The following OPA3 variants were observed in gnomAD, a reference collection of about 807,000 sequenced individuals.
The protein encoded by OPA3 is optic atrophy 3 protein.
OPA3 carries 6 observed loss-of-function variants against 4.0 expected under a neutral mutation model. The observed-to-expected ratio is 1.51, with a 90% confidence interval of 0.83 to 2.99. The LOEUF (loss-of-function observed/expected upper bound fraction) is 2.99, where lower values mean the gene tolerates loss of function less well. Among genes scored for constraint, OPA3 ranks in the 30% most tolerant of loss-of-function variants. OPA3 has a pLI of 0.00. For synonymous variants in OPA3, 105 were observed against 117.1 expected (o/e 0.90, Z 0.67); for missense variants, 235 against 256.2 (o/e 0.92, Z 0.56).
In OPA3 at chr19:45,552,903, T is replaced by A; in HGVS notation, c.*611A>T. 1 of 701,892 alleles carries A rather than the reference T, an allele frequency of 1.4e-6. No individual in the cohort carries two copies. Among genetic ancestry groups the A allele is most frequent in the Non-Finnish European group, 1.7e-6 (1 of 571,432 alleles). 43.5% of individuals were successfully genotyped at this position (701,892 alleles called of 1,614,324 possible). On this transcript the variant is annotated 3_prime_UTR_variant, in exon 2 of 2. Coordinates refer to ENST00000263275, the MANE Select transcript of OPA3 (RefSeq NM_025136.4). The stretch of plus-strand genomic sequence containing the variant: ...GTTGGCCAGGCTGGTCTGGAACTCC[T>A]GACCTCAAGTGATCCGCCCGCCTCG...
intron 1 of OPA3, among the ~76,000 whole-genome samples, chr19:45,576,548 A>AC (rs1969771968): frequency 9.4e-6 from 1 of 106,916 alleles, no homozygotes; most frequent in Admixed American, 1.1e-4. Flanking sequence ...CCCCCCCCCC[A>AC]AAAAAAAAAG....
chr19:45,528,923 T>A (rs1372649670), exon 2 of OPA3: 1 of 1,111,388 alleles, frequency 9.0e-7, no homozygotes, highest in Admixed American at 2.3e-5. Context: ...GCCCAGGATC[T>A]CTCCGGCGCC....
At chr19:45,539,650 A>G (rs1211441795) in intron 1 of OPA3, among the ~76,000 whole-genome samples, 2 of 150,502 alleles carry the variant, frequency 1.3e-5, no homozygotes, top group African/African-American at 4.9e-5. Flanking sequence ...GTGGCGGTGC[A>G]TGTCTGTAAT....
chr19:45,530,214 C>T (rs1263037505), intron 1 of OPA3, among the ~76,000 whole-genome samples: 1 of 152,038 alleles, frequency 6.6e-6, no homozygotes, highest in African/African-American at 2.4e-5. Context: ...ATTAGCCGGG[C>T]GTGATAGCGC....
At position 45,549,291 on chromosome 19, in the gene OPA3, C is replaced by T. The variant is rs913492158; in HGVS notation, c.*4223G>A. 7 of 985,312 alleles carry T rather than the reference C, an allele frequency of 7.1e-6. No homozygotes were observed. In the African/African-American group the frequency reaches 1.2e-4, roughly 17 times the overall value. 61.0% of individuals were successfully genotyped at this position (985,312 alleles called of 1,614,324 possible). ...AGAGGACGTTCTTTCCACTTCCACA[C>T]ACTCTGGCCACCCCTGACGCCGCAG... On this transcript the variant is annotated 3_prime_UTR_variant, in exon 2 of 2. Transcript: ENST00000263275.
At chr19:45,568,795 T>C (rs1969619749) in intron 1 of OPA3, among the ~76,000 whole-genome samples, 2 of 151,936 alleles carry the variant, frequency 1.3e-5, no homozygotes, top group Admixed American at 6.6e-5. Context: ...GGTGCTGGGA[T>C]GGGGATGTGA....
At position 45,549,172 on chromosome 19, in the gene OPA3, T is replaced by G. The variant is rs1219989959; in HGVS notation, c.*4342A>C. ...AGATAATCAGCTTCATTTACAAATT[T>G]ATTCTAACCCCTCTCCCCAAATTAC... On this transcript the variant is annotated 3_prime_UTR_variant, in exon 2 of 2. Transcript: ENST00000263275. 2.0e-6 allele frequency: 2 copies of G among 985,342 alleles called. No individual in the cohort carries two copies. The highest frequency in any genetic ancestry group is 2.3e-4 in the East Asian group (2 of 8,812). The allele number at this position is 985,342 out of a possible 1,614,324, so 61.0% of individuals were successfully genotyped here.
intron 1 of OPA3, among the ~76,000 whole-genome samples, chr19:45,558,485 C>T (rs577645921): frequency 3.3e-5 from 5 of 152,290 alleles, no homozygotes; most frequent in South Asian, 4.1e-4. Flanking sequence ...TCAACTACTG[C>T]GGTCGCCAGC....
At chr19:45,570,862 C>CAAA (rs551869767) in intron 1 of OPA3, among the ~76,000 whole-genome samples, 92 of 67,768 alleles carry the variant, frequency 1.4e-3, no homozygotes, top group African/African-American at 4.2e-3. Context: ...GACTCTGTCT[C>CAAA]AAAAAAAAAA....
intron 1 of OPA3, among the ~76,000 whole-genome samples, chr19:45,574,672 T>C (rs954636243): frequency 6.6e-6 from 1 of 152,190 alleles, no homozygotes; most frequent in Non-Finnish European, 1.5e-5. Flanking sequence ...TGTGGCAGAC[T>C]GTGCCATCAG....
downstream of OPA3, among the ~76,000 whole-genome samples, chr19:45,543,711 C>T (rs1969213435): frequency 6.6e-6 from 1 of 152,180 alleles, no homozygotes; most frequent in Non-Finnish European, 1.5e-5. Context: ...AAGCAATCCT[C>T]CCGCCTCAGC....
At chr19:45,584,052 A>T (rs763583011) in intron 1 of OPA3, among the ~76,000 whole-genome samples, 46 of 152,332 alleles carry the variant, frequency 3.0e-4, no homozygotes, top group Non-Finnish European at 2.5e-4. Context: ...TCTGGCTCAA[A>T]GTCCTTTTCC....
At chr19:45,580,942 G>A (rs556920512) in intron 1 of OPA3, among the ~76,000 whole-genome samples, 56 of 152,194 alleles carry the variant, frequency 3.7e-4, no homozygotes, top group Admixed American at 7.2e-4. Context: ...AAACCACAAC[G>A]CTAAGAATGT....
At chr19:45,580,247 G>C (rs1417769626) in intron 1 of OPA3, among the ~76,000 whole-genome samples, 2 of 150,454 alleles carry the variant, frequency 1.3e-5, no homozygotes, top group Non-Finnish European at 3.0e-5. Flanking sequence ...GCCCACCTTG[G>C]CCTCCCAAAG....
At chr19:45,572,788 TAG>T (rs748958429) in intron 1 of OPA3, among the ~76,000 whole-genome samples, 12,337 of 88,542 alleles carry the variant, frequency 0.14, 867 homozygotes, top group East Asian at 0.26. Flanking sequence ...ATACTATATA[TAG>T]ATATATATAT....
chr19:45,555,299 C>A (rs1969404261), intron 1 of OPA3, among the ~76,000 whole-genome samples: 1 of 152,026 alleles, frequency 6.6e-6, no homozygotes, highest in Admixed American at 6.6e-5. Flanking sequence ...CAAAAAGAAA[C>A]CATGTGAAAT....
At chr19:45,584,123 G>C (rs555685384) in intron 1 of OPA3, among the ~76,000 whole-genome samples, 2 of 152,178 alleles carry the variant, frequency 1.3e-5, no homozygotes, top group East Asian at 3.9e-4. Context: ...CCCTAATCCA[G>C]ACTTATTGAC....
chr19:45,560,708 T>C (rs1166419909), intron 1 of OPA3, among the ~76,000 whole-genome samples: 1 of 152,018 alleles, frequency 6.6e-6, no homozygotes, highest in Non-Finnish European at 1.5e-5. Context: ...GACTGTCACA[T>C]CTACTTCCAG....
At chr19:45,580,159 G>C (rs537909488) in intron 1 of OPA3, among the ~76,000 whole-genome samples, 1 of 151,242 alleles carries the variant, frequency 6.6e-6, no homozygotes, top group Non-Finnish European at 1.5e-5. Context: ...ACCACGCCCA[G>C]CTAATTTTTG....
Sources: gnomAD v4.1 joint callset for allele counts (sites outside exome capture counted in the v4.1 genomes callset) on GRCh38, gnomAD v4.1.1 for gene constraint, MANE v1.5 for transcripts, NCBI Gene and HGNC (gene_info 2026-07-23, HGNC 2026-07-21) for gene names.